TNK2: variants seen among roughly 807,000 people sequenced by gnomAD.
TNK2 encodes the protein tyrosine kinase non receptor 2.
Under a neutral mutation model 101.8 loss-of-function variants are expected in TNK2, and 83 were observed. That is an observed-to-expected ratio of 0.82 (90% CI 0.68 to 0.98). TNK2 has a LOEUF of 0.98. TNK2 is among the 50% of genes least tolerant of loss of function. The pLI is 0.00. For synonymous variants in TNK2, 804 were observed against 633.0 expected (o/e 1.27, Z -4.06); for missense variants, 1,665 against 1,483.2 (o/e 1.12, Z -2.01).
At chr3:195,907,258 T>A (rs1201571923) in intron 1 of TNK2, among the ~76,000 whole-genome samples, 1 of 151,634 alleles carries the variant, frequency 6.6e-6, no homozygotes, top group Non-Finnish European at 1.5e-5. Flanking sequence ...GGTGCATGAG[T>A]GTTTGGGTGG....
chr3:195,893,310 CAA>C (rs1759346050), intron 1 of TNK2, among the ~76,000 whole-genome samples: 4 of 151,982 alleles, frequency 2.6e-5, no homozygotes, highest in Non-Finnish European at 4.4e-5. Flanking sequence ...GCAGTCCAGC[CAA>C]GAGCAAGGGT....
Position 195,867,794 on chromosome 3 carries a change from C to A in TNK2, c.2504G>T (p.Ser835Ile). The A allele has an allele frequency of 6.4e-7, 1 of 1,568,064 alleles. No individual in the cohort carries two copies. Among genetic ancestry groups the A allele is most frequent in the Non-Finnish European group, 8.6e-7 (1 of 1,160,204 alleles). Residue 835 changes from serine to isoleucine, a missense_variant, in exon 13 of 16, where the codon AGC becomes ATC. Around this residue, in one of 3 missense-constraint regions of TNK2, gnomAD observed 1,136 missense variants for 894.9 expected, o/e 1.27. Coordinates refer to ENST00000672887, the MANE Select transcript of TNK2 (RefSeq NM_001382273.1). ...GGCGTACTTGGGGTCTGAGGCAAAG[C>A]TCTGGGTGGTGGGCATGGTCTTCCC... ...SPGKTMPTTQ[S>I]FASDPKYATP...
chr3:195,872,291 G>A lies in TNK2; in HGVS notation c.1436C>T (p.Pro479Leu), dbSNP rs749498750. ...CAGTACTCACTCGTCAATCCTGTCC[G>A]GGAAGCCCCAGCAGTGGCGGGGGTC... ...DSDPRHCWGF[P>L]DRIDELYLGN... The change falls in exon 10 of 16, where the codon CCG becomes CTG. Residue 479 changes from proline (P) to leucine (L), a missense_variant. Around this residue, in one of 3 missense-constraint regions of TNK2, gnomAD observed 1,136 missense variants for 894.9 expected, o/e 1.27. Coordinates refer to ENST00000672887, the MANE Select transcript of TNK2 (RefSeq NM_001382273.1). 27 of 1,613,300 alleles carry A rather than the reference G, an allele frequency of 1.7e-5. No homozygotes were observed. Among genetic ancestry groups the A allele is most frequent in the African/African-American group, 2.7e-5 (2 of 74,936 alleles).
chr3:195,875,735 G>A (rs1748769774), intron 9 of TNK2, among the ~76,000 whole-genome samples: 1 of 152,168 alleles, frequency 6.6e-6, no homozygotes, highest in Admixed American at 6.5e-5. Flanking sequence ...CGTGACTGAA[G>A]CAGGGGCGGA....
In TNK2 at chr3:195,882,766, GAATATCGCGT is replaced by G. The variant is rs1372823986; in HGVS notation, c.609+381_609+390del. Reference sequence around the variant, plus strand: ...CCAGCTACTTGGAAGCCTGAGGCAGGAATATCGCGTGAACCCAGGAGGCCGAGGTTGCAGT... The same window carrying G: ...CCAGCTACTTGGAAGCCTGAGGCAGGGAACCCAGGAGGCCGAGGTTGCAGT... On this transcript the variant is annotated intron_variant, in intron 5 of 15. Coordinates refer to ENST00000672887, the MANE Select transcript of TNK2 (RefSeq NM_001382273.1). This position sits in a 1 kb window ranked among gnomAD's most constrained non-coding sequence, Gnocchi z 4.2. Among the ~76,000 whole-genome samples the G allele has an allele frequency of 6.6e-6, 1 of 152,192 alleles. No homozygotes were observed. Among genetic ancestry groups the G allele is most frequent in the African/African-American group, 2.4e-5 (1 of 41,438 alleles).
chr3:195,906,894 C>CG (rs746625304), intron 1 of TNK2, among the ~76,000 whole-genome samples: 3 of 152,088 alleles, frequency 2.0e-5, no homozygotes, highest in Non-Finnish European at 4.4e-5. Context: ...GCCGGGGCTC[C>CG]GGGGAGGTGG....
chr3:195,865,378 G>A, intron 15 of TNK2, among the ~76,000 whole-genome samples: 2 of 141,804 alleles, frequency 1.4e-5, no homozygotes. Context: ...ACCCGAGACA[G>A]TGACAGACAG....
intron 1 of TNK2, among the ~76,000 whole-genome samples, chr3:195,889,570 T>A (rs948589826): frequency 6.6e-6 from 1 of 152,222 alleles, no homozygotes; most frequent in African/African-American, 2.4e-5. Context: ...TCACTTAATA[T>A]TCGTCTTTCT....
intron 1 of TNK2, among the ~76,000 whole-genome samples, chr3:195,891,141 A>G (rs1758272954): frequency 1.3e-5 from 2 of 152,242 alleles, no homozygotes. Context: ...CATCTAGGCC[A>G]AGCACAGTGG....
intron 15 of TNK2, among the ~76,000 whole-genome samples, chr3:195,866,209 T>A (rs914089111): frequency 1.5e-4 from 23 of 148,608 alleles, no homozygotes; most frequent in African/African-American, 3.9e-4. Flanking sequence ...TTAGAGAAAA[T>A]TTTTTTTTTT....
intron 2 of TNK2, among the ~76,000 whole-genome samples, chr3:195,887,708 C>T (rs1219391149): frequency 6.6e-6 from 1 of 152,180 alleles, no homozygotes; most frequent in Non-Finnish European, 1.5e-5. Flanking sequence ...AAGGGTTGAA[C>T]TCAAATCAGA....
At chr3:195,891,192 A>G (rs927711230) in intron 1 of TNK2, among the ~76,000 whole-genome samples, 3 of 152,248 alleles carry the variant, frequency 2.0e-5, no homozygotes, top group African/African-American at 7.2e-5. Flanking sequence ...AGGTGGGCGG[A>G]TCACCTGAGT....
chr3:195,878,919 A>C lies in TNK2; in HGVS notation c.1014+130T>G, dbSNP rs880805. On this transcript the variant is annotated intron_variant, in intron 7 of 15. Transcript: ENST00000672887. The surrounding 1 kb of genome is among the most constrained non-coding windows in gnomAD (Gnocchi z 4.7). ...ACGGGGCGTGGTGGGAGGCACGGGA[A>C]GTGGGGGGAGGCACGGGGCGTGGGA... 0.021 allele frequency: 29,382 copies of C among 1,402,956 alleles called. 2,229 individuals carry two copies. In the East Asian group the frequency reaches 0.27, roughly 13 times the overall value. The allele number at this position is 1,402,956 out of a possible 1,614,324, so 86.9% of individuals were successfully genotyped here.
rs1482160517 is a variant in TNK2, at chr3:195,863,393, T to C, written c.*788A>G. The C allele has an allele frequency of 1.3e-5, 2 of 152,676 alleles. No individual in the cohort carries two copies. The highest frequency in any genetic ancestry group is 4.8e-5 in the African/African-American group (2 of 41,448). The allele number at this position is 152,676 out of a possible 1,614,324, so 9.5% of individuals were successfully genotyped here. A position where few individuals can be genotyped will look rare whatever the true frequency, so the allele number is the denominator to read the frequency against. On this transcript the variant is annotated 3_prime_UTR_variant, in exon 16 of 16. Transcript: ENST00000672887. Reference sequence around the variant, plus strand: ...ATAAAATAGAAACTAACTTTATTTCTCTGGAAGAAGCAGGTACTGAATGCC... The same window carrying C: ...ATAAAATAGAAACTAACTTTATTTCCCTGGAAGAAGCAGGTACTGAATGCC...
Position 195,885,059 on chromosome 3 carries a change from A to G in TNK2, c.235-26T>C, listed in dbSNP as rs1200198866. On this transcript the variant is annotated intron_variant, in intron 3 of 15. Coordinates refer to ENST00000672887, the MANE Select transcript of TNK2 (RefSeq NM_001382273.1). This position sits in a 1 kb window ranked among gnomAD's most constrained non-coding sequence, Gnocchi z 4.7. ...CTGTTTGAAGGCAGCCGGGGGCCAGATGGAATCCAACACCCCAGGGTCAGT... is the reference window on the plus strand; with the variant it reads ...CTGTTTGAAGGCAGCCGGGGGCCAGGTGGAATCCAACACCCCAGGGTCAGT... 1.9e-5 allele frequency: 30 copies of G among 1,561,402 alleles called. No homozygotes were observed. In the East Asian group the frequency reaches 5.0e-4, roughly 26 times the overall value.
At chr3:195,869,463 C>G (rs530274021) in intron 12 of TNK2, 34 bp downstream of exon 12, 2 of 1,524,338 alleles carry the variant, frequency 1.3e-6, no homozygotes, top group Non-Finnish European at 1.8e-6. Context: ...GGGGCGGGGG[C>G]GGGGGCCAAG....
intron 1 of TNK2, among the ~76,000 whole-genome samples, chr3:195,898,148 G>A (rs987066390): frequency 1.3e-5 from 2 of 151,768 alleles, no homozygotes; most frequent in Non-Finnish European, 2.9e-5. Flanking sequence ...CTAGCCACCC[G>A]AGGTAGAAAC....
chr3:195,879,187 A>C lies in TNK2; in HGVS notation c.888-12T>G. 1 of 1,612,724 alleles carries C rather than the reference A, an allele frequency of 6.2e-7. No individual in the cohort carries two copies. Among genetic ancestry groups the C allele is most frequent in the South Asian group, 1.1e-5 (1 of 91,082 alleles). On this transcript the variant is annotated splice_polypyrimidine_tract_variant and intron_variant, in intron 6 of 15. Coordinates refer to ENST00000672887, the MANE Select transcript of TNK2 (RefSeq NM_001382273.1). ...TCTCGGGGGCACACCTGGCAGAGGC[A>C]GGGGTCAAAGAGAAGCCCTCTCAAA...
Position 195,867,383 on chromosome 3 carries a change from CG to C in TNK2, c.2914del (p.Arg972GlyfsTer16), listed in dbSNP as rs1741609277. 3 of 1,604,232 alleles carry C rather than the reference CG, an allele frequency of 1.9e-6. No individual in the cohort carries two copies. The highest frequency in any genetic ancestry group is 1.7e-6 in the Non-Finnish European group (2 of 1,177,276). On this transcript the variant is annotated frameshift_variant, in exon 13 of 16. Coordinates refer to ENST00000672887, the MANE Select transcript of TNK2 (RefSeq NM_001382273.1). LOFTEE classifies it high-confidence loss of function. ...GCPGDGPEAG[R>X]PADKIQMLQA... ...CACCATCTGGATCTTGTCTGCTGGC[CG>C]GCCCGCCTCTGGCCCATCGCCAGGG...
Sources: allele counts gnomAD v4.1 joint callset (sites outside exome capture counted in the v4.1 genomes callset), GRCh38; gene constraint gnomAD v4.1.1; regional missense constraint gnomAD v4.1.1; non-coding constraint Gnocchi (gnomAD v3.1); transcripts MANE v1.5; gene names NCBI Gene and HGNC (gene_info 2026-07-23, HGNC 2026-07-21).